Variants in CTIF observed in about 807,000 individuals in gnomAD.
The protein encoded by CTIF is cap binding complex dependent translation initiation factor, also known as CBP80/20-dependent translation initiation factor.
CTIF carries 21 observed loss-of-function variants against 66.0 expected under a neutral mutation model. The ratio of observed to expected loss-of-function variants is 0.32; its 90% CI spans 0.23 to 0.46. The LOEUF is 0.46. CTIF is among the 20% of genes least tolerant of loss of function. CTIF has a pLI of 1.00. For synonymous variants in CTIF, 345 were observed against 326.4 expected (o/e 1.06, Z -0.62); for missense variants, 739 against 812.7 (o/e 0.91, Z 1.10).
chr18:48,728,841 A>G (rs539590843), intron 7 of CTIF, among the ~76,000 whole-genome samples: 4 of 152,200 alleles, frequency 2.6e-5, no homozygotes, highest in African/African-American at 9.6e-5. Flanking sequence ...GCCATATTCC[A>G]TTGGTCACAG....
chr18:48,543,027 G>A (rs2088657409), intron 1 of CTIF, among the ~76,000 whole-genome samples: 1 of 152,226 alleles, frequency 6.6e-6, no homozygotes, highest in African/African-American at 2.4e-5. Flanking sequence ...CTGGGTGTAG[G>A]AGTTTCTGCC....
At position 48,859,587 on chromosome 18, in the gene CTIF, C is replaced by T. The variant is rs752207285; in HGVS notation, c.*28C>T. 2.4e-5 allele frequency: 38 copies of T among 1,606,244 alleles called. 1 individual carries two copies. In the African/African-American group the frequency reaches 2.5e-4, roughly 11 times the overall value. On this transcript the variant is annotated 3_prime_UTR_variant, in exon 12 of 12. Coordinates refer to ENST00000256413, the MANE Select transcript of CTIF (RefSeq NM_014772.3). ...GCCAGGGGGCCTGGCAGGCGGCCCA[C>T]GGGCAGCTGGGGCCCTGGTGCACAG...
chr18:48,736,319 T>G (rs2092502452), intron 7 of CTIF, among the ~76,000 whole-genome samples: 1 of 152,198 alleles, frequency 6.6e-6, no homozygotes, highest in Non-Finnish European at 1.5e-5. Context: ...GCAAGCTGCC[T>G]TCTGCACTCG....
chr18:48,732,753 C>T (rs947478272), intron 7 of CTIF, among the ~76,000 whole-genome samples: 3 of 152,256 alleles, frequency 2.0e-5, no homozygotes, highest in Non-Finnish European at 4.4e-5. Flanking sequence ...GTGACCTGCT[C>T]CTGTATGCCC....
At chr18:48,653,519 A>G (rs2091194277) in intron 3 of CTIF, among the ~76,000 whole-genome samples, 1 of 152,242 alleles carries the variant, frequency 6.6e-6, no homozygotes, top group South Asian at 2.1e-4. Flanking sequence ...ATGGATAGGA[A>G]GAATCAATAT....
At chr18:48,738,197 A>G (rs896360851) in intron 7 of CTIF, among the ~76,000 whole-genome samples, 2 of 152,148 alleles carry the variant, frequency 1.3e-5, no homozygotes, top group Non-Finnish European at 2.9e-5. Flanking sequence ...TGCGGGTCCC[A>G]TCTTCAAAGC....
intron 7 of CTIF, among the ~76,000 whole-genome samples, chr18:48,742,383 C>A (rs538757096): frequency 6.6e-6 from 1 of 152,182 alleles, no homozygotes; most frequent in African/African-American, 2.4e-5. Context: ...AGAGGGCAAG[C>A]AGAGGAATCC....
chr18:48,559,827 A>G lies in CTIF; in HGVS notation c.-29+20515A>G, dbSNP rs1194093683. Among the ~76,000 whole-genome samples, 4 of 152,298 alleles carry G rather than the reference A, an allele frequency of 2.6e-5. No individual in the cohort carries two copies. In the East Asian group the frequency reaches 7.7e-4, roughly 29 times the overall value. ...GTGGGAAGGTGAGAGGCGGGTGAAG[A>G]TCAAAAAACGACCTGTTGGGTACAG... On this transcript the variant is annotated intron_variant, in intron 1 of 11. Coordinates refer to ENST00000256413, the MANE Select transcript of CTIF (RefSeq NM_014772.3).
chr18:48,648,042 T>G (rs1378180108), intron 3 of CTIF, among the ~76,000 whole-genome samples: 1 of 152,186 alleles, frequency 6.6e-6, no homozygotes, highest in Non-Finnish European at 1.5e-5. Flanking sequence ...ATCCCATTAT[T>G]TCAGCAGGTT....
At chr18:48,581,440 C>A (rs1328851326) in intron 1 of CTIF, among the ~76,000 whole-genome samples, 3 of 151,526 alleles carry the variant, frequency 2.0e-5, no homozygotes, top group Non-Finnish European at 4.4e-5. Context: ...TCTTTTTTTC[C>A]ATGGCCCATG....
chr18:48,622,374 A>G (rs1482418912), intron 2 of CTIF, among the ~76,000 whole-genome samples: 2 of 151,574 alleles, frequency 1.3e-5, no homozygotes, highest in Non-Finnish European at 2.9e-5. Flanking sequence ...TGAGCATGGG[A>G]GTGTGTGGGG....
intron 6 of CTIF, among the ~76,000 whole-genome samples, chr18:48,690,765 C>T (rs1208305925): frequency 6.6e-6 from 1 of 151,992 alleles, no homozygotes; most frequent in Non-Finnish European, 1.5e-5. Context: ...GCTGCATGGA[C>T]TTGACCAAGC....
At position 48,762,983 on chromosome 18, in the gene CTIF, G is replaced by C. The variant is rs529638024; in HGVS notation, c.1371+1294G>C. Among the ~76,000 whole-genome samples the C allele has an allele frequency of 1.9e-4, 29 of 152,306 alleles. No individual in the cohort carries two copies. The South Asian group carries it at 6.0e-3, about 32-fold the overall frequency. On this transcript the variant is annotated intron_variant, in intron 9 of 11. Coordinates refer to ENST00000256413, the MANE Select transcript of CTIF (RefSeq NM_014772.3). ...CTCTCCTGCTCCAGGCCCTGATCAG[G>C]TTCCCATTCCTGGATCGCCCGCACT...
chr18:48,788,009 G>A (rs1486105710), intron 9 of CTIF, among the ~76,000 whole-genome samples: 3 of 152,168 alleles, frequency 2.0e-5, no homozygotes, highest in African/African-American at 7.2e-5. Context: ...TGAGGCTGGG[G>A]CCAGGCACTT....
chr18:48,726,980 C>T (rs567145918), intron 7 of CTIF, among the ~76,000 whole-genome samples: 26 of 152,094 alleles, frequency 1.7e-4, no homozygotes, highest in Admixed American at 1.3e-3. Context: ...ATGCAGATGA[C>T]GCTCTTTGGG....
At chr18:48,855,400 G>T (rs1456596423) in intron 10 of CTIF, among the ~76,000 whole-genome samples, 1 of 152,228 alleles carries the variant, frequency 6.6e-6, no homozygotes, top group Non-Finnish European at 1.5e-5. Context: ...TACATGAAAT[G>T]TGCCAAAATG....
At chr18:48,552,659 T>C (rs913288153) in intron 1 of CTIF, among the ~76,000 whole-genome samples, 1 of 152,172 alleles carries the variant, frequency 6.6e-6, no homozygotes, top group Non-Finnish European at 1.5e-5. Flanking sequence ...CACCTCCTAA[T>C]ACCATCGAGT....
At chr18:48,813,553 G>A (rs2068303892) in intron 9 of CTIF, among the ~76,000 whole-genome samples, 1 of 152,192 alleles carries the variant, frequency 6.6e-6, no homozygotes, top group Non-Finnish European at 1.5e-5. Flanking sequence ...GTCTGCTTAG[G>A]CAGAGTCTCC....
chr18:48,710,727 AG>A (rs2092214062), intron 6 of CTIF, among the ~76,000 whole-genome samples: 1 of 152,206 alleles, frequency 6.6e-6, no homozygotes, highest in Non-Finnish European at 1.5e-5. Context: ...AATACGCAAA[AG>A]ACTATCCTTA....
Sources: gnomAD v4.1 joint callset for allele counts (sites outside exome capture counted in the v4.1 genomes callset) on GRCh38, gnomAD v4.1.1 for gene constraint, MANE v1.5 for transcripts, NCBI Gene and HGNC (gene_info 2026-07-23, HGNC 2026-07-21) for gene names.